TTC6: variants seen among roughly 807,000 people sequenced by gnomAD.
TTC6 encodes tetratricopeptide repeat domain 6.
A neutral mutation model predicts 210.4 loss-of-function variants in TTC6; 172 were observed. The observed-to-expected ratio is 0.82, with a 90% CI of 0.72 to 0.93. TTC6 has a LOEUF of 0.93. Ranked by LOEUF, TTC6 falls within the 40% of genes least tolerant of loss-of-function variation. TTC6 has a pLI of 0.00. For synonymous variants in TTC6, 804 were observed against 819.6 expected (o/e 0.98, Z 0.32); for missense variants, 2,414 against 2,318.1 (o/e 1.04, Z -0.85).
chr14:37,704,879 TAAG>T (rs1161368633), intron 5 of TTC6, among the ~76,000 whole-genome samples: 4 of 152,304 alleles, frequency 2.6e-5, no homozygotes, highest in South Asian at 2.1e-4. Flanking sequence ...TTTATTTTGA[TAAG>T]AAGAACATAT....
chr14:37,668,850 A>G (rs1322815527), intron 1 of TTC6, among the ~76,000 whole-genome samples: 1 of 152,196 alleles, frequency 6.6e-6, no homozygotes, highest in Non-Finnish European at 1.5e-5. Flanking sequence ...GATTCATTCC[A>G]GGTCATTGAG....
At chr14:37,793,462 C>T (rs1380646396) in intron 17 of TTC6, among the ~76,000 whole-genome samples, 1 of 152,208 alleles carries the variant, frequency 6.6e-6, no homozygotes, top group Non-Finnish European at 1.5e-5. Flanking sequence ...GAGGCTCTGC[C>T]TCCATTATCT....
chr14:37,740,836 A>G (rs2095916803), intron 10 of TTC6, among the ~76,000 whole-genome samples: 1 of 152,224 alleles, frequency 6.6e-6, no homozygotes, highest in Admixed American at 6.5e-5. Flanking sequence ...TTAAAGTATT[A>G]TGAATCTTCA....
At chr14:37,642,995 A>G (rs1194525609) in intron 1 of TTC6, among the ~76,000 whole-genome samples, 1 of 152,216 alleles carries the variant, frequency 6.6e-6, no homozygotes, top group Non-Finnish European at 1.5e-5. Context: ...ACTATGTGGC[A>G]CACAAAATGA....
chr14:37,727,544 TG>T (rs1335798439), intron 7 of TTC6, among the ~76,000 whole-genome samples: 1 of 21,266 alleles, frequency 4.7e-5, no homozygotes, highest in Admixed American at 7.1e-4. Flanking sequence ...CCGCCCGCCT[TG>T]GCCTCCCAAA....
At chr14:37,627,199 A>C (rs556595048) in intron 1 of TTC6, among the ~76,000 whole-genome samples, 2 of 152,162 alleles carry the variant, frequency 1.3e-5, no homozygotes, top group Non-Finnish European at 2.9e-5. Flanking sequence ...CCAGAAGGCG[A>C]TGCCAGATCT....
At chr14:37,673,523 T>A (rs1340591971) in intron 1 of TTC6, among the ~76,000 whole-genome samples, 2 of 152,072 alleles carry the variant, frequency 1.3e-5, no homozygotes, top group Non-Finnish European at 2.9e-5. Context: ...GAACCTGGAT[T>A]GCATGATGAA....
chr14:37,606,797 G>A (rs1345283899), intron 2 of TTC6, 55 bp downstream of exon 2: 1 of 984,324 alleles, frequency 1.0e-6, no homozygotes, highest in Non-Finnish European at 1.2e-6. Context: ...TCATCAAAAG[G>A]CTCTACTCCT....
intron 2 of TTC6, among the ~76,000 whole-genome samples, chr14:37,608,661 G>A (rs910103624): frequency 6.6e-5 from 10 of 152,122 alleles, no homozygotes; most frequent in Non-Finnish European, 1.0e-4. Flanking sequence ...TATTTTGTGC[G>A]CAATATGAAG....
At chr14:37,769,283 C>T (rs1045032427) in intron 14 of TTC6, among the ~76,000 whole-genome samples, 1 of 151,620 alleles carries the variant, frequency 6.6e-6, no homozygotes, top group African/African-American at 2.4e-5. Context: ...TGTGTCTCTG[C>T]CCGGCTTTGG....
chr14:37,665,261 A>G (rs1345656925), intron 1 of TTC6, among the ~76,000 whole-genome samples: 1 of 150,694 alleles, frequency 6.6e-6, no homozygotes, highest in Non-Finnish European at 1.5e-5. Context: ...ATGCCCACCA[A>G]TGATAGAATG....
intron 29 of TTC6, among the ~76,000 whole-genome samples, chr14:37,830,467 T>C (rs1264813470): frequency 6.6e-6 from 1 of 151,986 alleles, no homozygotes; most frequent in Non-Finnish European, 1.5e-5. Context: ...ATAGATGTTG[T>C]ATATTCCTTA....
chr14:37,633,731 C>A (rs1423067390), intron 1 of TTC6, among the ~76,000 whole-genome samples: 4 of 152,206 alleles, frequency 2.6e-5, no homozygotes, highest in Admixed American at 2.6e-4. Flanking sequence ...AGAGGCCACT[C>A]GCTCCCTCTT....
At chr14:37,651,413 ATATATATATATATTTTTTTTTTTT>A (rs1394467337) in intron 1 of TTC6, among the ~76,000 whole-genome samples, 567 of 22,914 alleles carry the variant, frequency 0.025, 11 homozygotes, top group South Asian at 0.038. Context: ...ATATATATAT[ATATATATATATATTTTTTTTTTTT>A]TTTTTTTTTT....
At chr14:37,804,750 C>G in exon 21 of TTC6, 1 of 1,614,106 alleles carries the variant, frequency 6.2e-7, no homozygotes, top group Non-Finnish European at 8.5e-7. Flanking sequence ...GATGCCACAG[C>G]AATTTCAGCA....
chr14:37,714,838 G>A, intron 6 of TTC6, 42 bp downstream of exon 8: 1 of 1,509,704 alleles, frequency 6.6e-7, no homozygotes, highest in South Asian at 1.2e-5. Flanking sequence ...TACCTCACAG[G>A]TCCTCAAACT....
chr14:37,636,985 G>T (rs1250217538), intron 1 of TTC6, among the ~76,000 whole-genome samples: 1 of 152,170 alleles, frequency 6.6e-6, no homozygotes, highest in Non-Finnish European at 1.5e-5. Context: ...GAACACAGAA[G>T]TGGAGCCACA....
At chr14:37,611,586 G>T (rs1238233967) in intron 2 of TTC6, among the ~76,000 whole-genome samples, 1 of 152,112 alleles carries the variant, frequency 6.6e-6, no homozygotes, top group Non-Finnish European at 1.5e-5. Context: ...AGAGGAGCTG[G>T]AAGGATTGAG....
chr14:37,659,465 T>A (rs2095732283), intron 1 of TTC6, among the ~76,000 whole-genome samples: 1 of 152,148 alleles, frequency 6.6e-6, no homozygotes, highest in Non-Finnish European at 1.5e-5. Flanking sequence ...TCGACTTTTT[T>A]AATAATAGCC....
Sources: gnomAD v4.1 joint callset for allele counts (sites outside exome capture counted in the v4.1 genomes callset) on GRCh38, gnomAD v4.1.1 for gene constraint, MANE v1.5 for transcripts, NCBI Gene and HGNC (gene_info 2026-07-23, HGNC 2026-07-21) for gene names.